The following SRD5A1 variants were observed in gnomAD, a reference collection of about 807,000 sequenced individuals.
The protein encoded by SRD5A1 is steroid 5 alpha-reductase 1.
A neutral mutation model predicts 28.2 loss-of-function variants in SRD5A1; 22 were observed. The ratio of observed to expected loss-of-function variants is 0.78; its 90% CI spans 0.56 to 1.12. The LOEUF (loss-of-function observed/expected upper bound fraction) is 1.12. SRD5A1 is among the 50% of genes most tolerant of loss of function. SRD5A1 has a pLI of 0.00. For synonymous variants in SRD5A1, 151 were observed against 135.0 expected, an observed-to-expected ratio of 1.12 and a Z score of -0.82; for missense variants, 300 against 346.7, an observed-to-expected ratio of 0.87 and a Z score of 1.07.
chr5:6,654,950 TA>T (rs1191839621), intron 2 of SRD5A1, among the ~76,000 whole-genome samples: 1 of 152,204 alleles, frequency 6.6e-6, no homozygotes, highest in African/African-American at 2.4e-5. Flanking sequence ...GCAAATCAAC[TA>T]TAAATGTATG....
At chr5:6,657,291 G>A (rs1422670514) in intron 3 of SRD5A1, among the ~76,000 whole-genome samples, 2 of 152,244 alleles carry the variant, frequency 1.3e-5, no homozygotes, top group Non-Finnish European at 2.9e-5. Flanking sequence ...AAACATGACA[G>A]AGTCCTAGAC....
intron 4 of SRD5A1, among the ~76,000 whole-genome samples, chr5:6,666,303 A>T (rs543410350): frequency 1.3e-4 from 20 of 152,184 alleles, no homozygotes; most frequent in African/African-American, 4.3e-4. Flanking sequence ...GCCCGCCACC[A>T]TGCCCGGCTA....
At chr5:6,637,283 G>A (rs1177779515) in intron 1 of SRD5A1, among the ~76,000 whole-genome samples, 1 of 152,102 alleles carries the variant, frequency 6.6e-6, no homozygotes, top group East Asian at 1.9e-4. Flanking sequence ...GTGACGCCCC[G>A]CTGCATTTAC....
chr5:6,663,298 C>A (rs1739067043), intron 4 of SRD5A1, among the ~76,000 whole-genome samples: 1 of 152,210 alleles, frequency 6.6e-6, no homozygotes, highest in Non-Finnish European at 1.5e-5. Flanking sequence ...TGAGCAATAG[C>A]CAATGGCCAG....
At chr5:6,647,831 G>T (rs1040554096) in intron 1 of SRD5A1, among the ~76,000 whole-genome samples, 3 of 152,032 alleles carry the variant, frequency 2.0e-5, no homozygotes, top group African/African-American at 7.2e-5. Flanking sequence ...TGGTTATTTT[G>T]CCTGTTAGTT....
In SRD5A1 at chr5:6,672,215, C is replaced by G. The variant is rs1013979080; in HGVS notation, c.*3947C>G. On this transcript the variant is annotated 3_prime_UTR_variant, in exon 5 of 5. Transcript: ENST00000274192. Reference sequence around the variant, plus strand: ...ATCAATGTCAAACTAGATATTGAAACAGCCCAAGTGTCCTGGTAAAGCTAG... The same window carrying G: ...ATCAATGTCAAACTAGATATTGAAAGAGCCCAAGTGTCCTGGTAAAGCTAG... 3.3e-5 allele frequency: 5 copies of G among 152,208 alleles called. No homozygotes were observed. Among genetic ancestry groups the G allele is most frequent in the African/African-American group, 1.2e-4 (5 of 41,446 alleles). 9.4% of individuals were successfully genotyped at this position (152,208 alleles called of 1,614,324 possible).
chr5:6,634,167 G>A (rs1738096313), intron 1 of SRD5A1, among the ~76,000 whole-genome samples: 1 of 152,182 alleles, frequency 6.6e-6, no homozygotes, highest in Non-Finnish European at 1.5e-5. Flanking sequence ...GTGGTCCTAG[G>A]TTTGGTTTCC....
At position 6,668,495 on chromosome 5, in the gene SRD5A1, C is replaced by A; in HGVS notation, c.*227C>A. On this transcript the variant is annotated 3_prime_UTR_variant, in exon 5 of 5. Coordinates refer to ENST00000274192, the MANE Select transcript of SRD5A1 (RefSeq NM_001047.4). ...GTGTAACAGGTCAGAATTTCAAGCT[C>A]TGGGTAATAACTGCTGATATTTTTT... 1 of 380,812 alleles carries A rather than the reference C, an allele frequency of 2.6e-6. No homozygotes were observed. Among genetic ancestry groups the A allele is most frequent in the Non-Finnish European group, 4.8e-6 (1 of 207,628 alleles). 23.6% of individuals were successfully genotyped at this position (380,812 alleles called of 1,614,324 possible).
intron 3 of SRD5A1, among the ~76,000 whole-genome samples, chr5:6,657,959 A>G (rs1365024473): frequency 6.6e-6 from 1 of 152,218 alleles, no homozygotes; most frequent in African/African-American, 2.4e-5. Flanking sequence ...AAAGCAGCAA[A>G]ACTTACCTGA....
chr5:6,657,265 A>C (rs1738860599), intron 3 of SRD5A1, among the ~76,000 whole-genome samples: 2 of 152,258 alleles, frequency 1.3e-5, no homozygotes, highest in Admixed American at 1.3e-4. Context: ...GTGTGATAGA[A>C]GTGGCAGAGA....
intron 1 of SRD5A1, among the ~76,000 whole-genome samples, chr5:6,635,634 A>G (rs1352433278): frequency 6.6e-6 from 1 of 152,246 alleles, no homozygotes; most frequent in African/African-American, 2.4e-5. Flanking sequence ...CTGCGTGCTC[A>G]GTACACAATA....
At chr5:6,634,575 C>G (rs531290) in intron 1 of SRD5A1, among the ~76,000 whole-genome samples, 79,424 of 151,890 alleles carry the variant, frequency 0.52, 20,990 homozygotes, top group Admixed American at 0.57. Context: ...TGGAAACCTG[C>G]TGTCCTAAAA....
Position 6,668,599 on chromosome 5 carries a change from AT to A in SRD5A1, c.*335del. ...AGACTTTACAACTGTCTTTGATGGC[AT>A]TTTCAGAACAATAAATGTCACAATC... On this transcript the variant is annotated 3_prime_UTR_variant, in exon 5 of 5. Coordinates refer to ENST00000274192, the MANE Select transcript of SRD5A1 (RefSeq NM_001047.4). 2 of 191,520 alleles carry A rather than the reference AT, an allele frequency of 1.0e-5. No homozygotes were observed. The highest frequency in any genetic ancestry group is 2.1e-5 in the Non-Finnish European group (2 of 94,280). 11.9% of individuals were successfully genotyped at this position (191,520 alleles called of 1,614,324 possible).
chr5:6,666,338 CG>C (rs1739176415), intron 4 of SRD5A1, among the ~76,000 whole-genome samples: 1 of 152,038 alleles, frequency 6.6e-6, no homozygotes, highest in African/African-American at 2.4e-5. Context: ...TTAGTAGAGA[CG>C]GGGTTTCACC....
At chr5:6,643,767 A>G (rs529815781) in intron 1 of SRD5A1, among the ~76,000 whole-genome samples, 7 of 152,118 alleles carry the variant, frequency 4.6e-5, no homozygotes, top group Non-Finnish European at 8.8e-5. Flanking sequence ...TCACTAACCA[A>G]TGAGCCGCCC....
chr5:6,654,434 T>TG (rs1554001871), intron 2 of SRD5A1, among the ~76,000 whole-genome samples: 1 of 151,338 alleles, frequency 6.6e-6, no homozygotes, highest in Non-Finnish European at 1.5e-5. Context: ...TAAGTTTTTT[T>TG]TTTGTTTGTT....
rs761698899 is a variant in SRD5A1, at chr5:6,651,992, TC to T, written c.448del (p.Arg150ValfsTer3). 1.2e-6 allele frequency: 2 copies of T among 1,613,180 alleles called. No individual in the cohort carries two copies. The highest frequency in any genetic ancestry group is 2.2e-5 in the South Asian group (2 of 90,958). Reference protein sequence around the residue: ...AVYADDWVTDPRFLIGFGLWL... With the variant: ...AVYADDWVTDXRFLIGFGLWL... The stretch of plus-strand genomic sequence containing the variant: ...TGTATGCTGATGACTGGGTAACAGA[TC>T]CCCGTTTTCTAATAGGTGAGTGTCC... On this transcript the variant is annotated frameshift_variant, in exon 2 of 5. Coordinates refer to ENST00000274192, the MANE Select transcript of SRD5A1 (RefSeq NM_001047.4). LOFTEE classifies it high-confidence loss of function.
intron 1 of SRD5A1, among the ~76,000 whole-genome samples, chr5:6,640,786 C>T (rs1050420472): frequency 2.0e-5 from 3 of 152,208 alleles, no homozygotes; most frequent in African/African-American, 7.2e-5. Context: ...TGTGTAGCTT[C>T]CCAGACCTGA....
chr5:6,644,682 A>G (rs765773246), intron 1 of SRD5A1: 110 of 362,226 alleles, frequency 3.0e-4, no homozygotes, highest in Admixed American at 2.9e-3. Context: ...CTGGTTGACA[A>G]ATGGGCCGAG....
Sources: allele counts gnomAD v4.1 joint callset (sites outside exome capture counted in the v4.1 genomes callset), GRCh38; gene constraint gnomAD v4.1.1; transcripts MANE v1.5; gene names NCBI Gene and HGNC (gene_info 2026-07-23, HGNC 2026-07-21).